The following SEMA3D variants were observed in gnomAD, a reference collection of about 807,000 sequenced individuals.
The protein encoded by SEMA3D is semaphorin-3D.
A neutral mutation model predicts 100.1 loss-of-function variants in SEMA3D; 84 were observed. The observed-to-expected ratio is 0.84, with a 90% CI of 0.70 to 1.01. SEMA3D has a LOEUF of 1.01. Among genes scored for constraint, SEMA3D ranks in the 50% least tolerant of loss-of-function variants. The probability of loss-of-function intolerance (pLI) is 0.00; values close to 1 mark genes in which losing one functional copy is unlikely to be tolerated. For missense variants in SEMA3D, 875 were observed against 934.1 expected (o/e 0.94, Z 0.82); for synonymous variants, 312 against 320.7 (o/e 0.97, Z 0.29).
At chr7:85,192,873 G>T in the SEMA3D span, among the ~76,000 whole-genome samples, 1 of 151,756 alleles carries the variant, frequency 6.6e-6, no homozygotes, top group Admixed American at 6.6e-5. Flanking sequence ...TTTTATTCTT[G>T]AGTTTGTCAA....
chr7:85,076,314 T>C (rs1336615931), intron 5 of SEMA3D, among the ~76,000 whole-genome samples: 1 of 152,008 alleles, frequency 6.6e-6, no homozygotes, highest in Non-Finnish European at 1.5e-5. Context: ...ACTTTTTAAT[T>C]ATCTTAAGTA....
rs139829723 is a variant in SEMA3D, at chr7:85,113,832, G to T, written c.151+7909C>A. On this transcript the variant is annotated intron_variant, in intron 3 of 18. Coordinates refer to ENST00000284136, the MANE Select transcript of SEMA3D (RefSeq NM_001384900.1). Reference sequence around the variant, plus strand: ...AGAAATCCGTTAATATTATCTTGCAGCTATTCCAAGTAGCTAACTACTACC... The same window carrying T: ...AGAAATCCGTTAATATTATCTTGCATCTATTCCAAGTAGCTAACTACTACC... Among the ~76,000 whole-genome samples the T allele has an allele frequency of 9.1e-4, 138 of 152,064 alleles. 1 individual carries two copies. The highest frequency in any genetic ancestry group is 3.2e-3 in the African/African-American group (133 of 41,492).
chr7:85,027,750 T>C (rs368147735), intron 12 of SEMA3D: 11 of 357,940 alleles, frequency 3.1e-5, no homozygotes, highest in African/African-American at 4.3e-5. Context: ...TAAACAAGGG[T>C]CTCATTGAAC....
intron 1 of SEMA3D, among the ~76,000 whole-genome samples, chr7:85,166,084 G>A (rs1365412678): frequency 1.3e-5 from 2 of 152,016 alleles, no homozygotes; most frequent in African/African-American, 4.8e-5. Context: ...TAATAATCAT[G>A]AGAATCTAAT....
At chr7:85,024,584 G>A (rs1170075008) in intron 12 of SEMA3D, among the ~76,000 whole-genome samples, 1 of 151,938 alleles carries the variant, frequency 6.6e-6, no homozygotes, top group Admixed American at 6.6e-5. Flanking sequence ...CGGAAAAAAA[G>A]GAAGGAAAAC....
the SEMA3D span, among the ~76,000 whole-genome samples, chr7:85,210,264 C>G: frequency 6.6e-6 from 1 of 151,976 alleles, no homozygotes; most frequent in African/African-American, 2.4e-5. Flanking sequence ...TTTGTTTTTC[C>G]TATTAAAACA....
intron 6 of SEMA3D, among the ~76,000 whole-genome samples, chr7:85,068,667 G>C (rs2116163531): frequency 1.3e-5 from 2 of 152,164 alleles, no homozygotes; most frequent in East Asian, 3.9e-4. Flanking sequence ...AAATAGATTT[G>C]CTATAATAAT....
intron 8 of SEMA3D, among the ~76,000 whole-genome samples, chr7:85,060,969 G>T (rs376160064): frequency 9.2e-5 from 14 of 152,058 alleles, no homozygotes; most frequent in Admixed American, 7.2e-4. Flanking sequence ...TCTTCCAAGT[G>T]GTCACACTTC....
chr7:85,231,536 C>T, the SEMA3D span, among the ~76,000 whole-genome samples: 11 of 150,278 alleles, frequency 7.3e-5, no homozygotes, highest in East Asian at 6.0e-4. Context: ...CTGCAAGCTC[C>T]GCCTCCCGGG....
the SEMA3D span, among the ~76,000 whole-genome samples, chr7:85,245,337 A>G: frequency 6.6e-6 from 1 of 152,218 alleles, no homozygotes; most frequent in Non-Finnish European, 1.5e-5. Flanking sequence ...ACAAAATAAG[A>G]AAAATTCTTT....
upstream of SEMA3D, among the ~76,000 whole-genome samples, chr7:85,188,681 A>C (rs1238698856): frequency 2.0e-5 from 3 of 152,188 alleles, no homozygotes; most frequent in Admixed American, 6.5e-5. Context: ...TTTATTGGCC[A>C]GAATTTTGTG....
the SEMA3D span, among the ~76,000 whole-genome samples, chr7:85,202,837 C>T: frequency 6.6e-6 from 1 of 151,030 alleles, no homozygotes; most frequent in South Asian, 2.1e-4. Context: ...TTTTTTTAAA[C>T]ACAATTGCAC....
At chr7:85,162,106 T>C (rs1159772704) in intron 1 of SEMA3D, among the ~76,000 whole-genome samples, 6 of 152,036 alleles carry the variant, frequency 3.9e-5, no homozygotes, top group Non-Finnish European at 8.8e-5. Context: ...CTCATCTTAA[T>C]TTCAGCTTTG....
At chr7:85,027,455 T>C (rs1314935588) in intron 12 of SEMA3D, among the ~76,000 whole-genome samples, 1 of 152,058 alleles carries the variant, frequency 6.6e-6, no homozygotes, top group Non-Finnish European at 1.5e-5. Context: ...ATATGGGGCT[T>C]TTTGTTAGAC....
chr7:84,999,531 G>T lies in SEMA3D; in HGVS notation c.2243C>A (p.Pro748Gln). 6.2e-7 allele frequency: 1 copy of T among 1,613,966 alleles called. No individual in the cohort carries two copies. The highest frequency in any genetic ancestry group is 2.2e-5 in the East Asian group (1 of 44,850). Residue 748 changes from proline to glutamine, a missense_variant, in exon 19 of 19, where the codon CCA (proline) becomes CAA (glutamine). Transcript: ENST00000284136. ...CATTTCCTGCATGTGCTTCCACTTT[G>T]GGCCCCCCTTGTTTCTCTGTCTCCG... ...EKRRQRNKGG[P>Q]KWKHMQEMKK... is the part of the protein sequence containing the mutation.
At chr7:85,237,582 A>G in the SEMA3D span, among the ~76,000 whole-genome samples, 1 of 152,166 alleles carries the variant, frequency 6.6e-6, no homozygotes, top group South Asian at 2.1e-4. Context: ...AAGGCATTTA[A>G]ATTTCCTTCT....
chr7:85,012,816 G>A lies in SEMA3D; in HGVS notation c.1734C>T (p.Gly578=), dbSNP rs748562150. The A allele has an allele frequency of 1.2e-4, 198 of 1,610,328 alleles. 1 individual carries two copies. Among genetic ancestry groups the A allele is most frequent in the Middle Eastern group, 1.7e-4 (1 of 6,050 alleles). ...TGTCCCAGCACTGGGTGATTGGGTC[G>A]CCATATTTTACATCTTGGCGTCTAG... ...RRARRQDVKY[G]DPITQCWDIE... is the part of the protein sequence containing the mutation. The change falls in exon 17 of 19, where the codon GGC becomes GGT. Residue 578 remains glycine, a synonymous_variant. Coordinates refer to ENST00000284136, the MANE Select transcript of SEMA3D (RefSeq NM_001384900.1).
chr7:85,006,690 A>AT (rs952831927), intron 18 of SEMA3D, 112 bp downstream of exon 18: 50 of 881,020 alleles, frequency 5.7e-5, no homozygotes, highest in Admixed American at 9.2e-5. Context: ...AAAACCTGTT[A>AT]TTTTTTTTAA....
chr7:85,050,072 AACACACACACACACACACACAC>A lies in SEMA3D; in HGVS notation c.861+5623_861+5644del, dbSNP rs55849524. ...ACTTAAAAGGTGGGTCTTGAAGGGA[AACACACACACACACACACACAC>A]ACACACACACACACACACACACACA... On this transcript the variant is annotated intron_variant, in intron 9 of 18. Transcript: ENST00000284136. 4.7e-3 allele frequency among the ~76,000 whole-genome samples: 649 copies of A among 137,016 alleles called. 5 individuals carry two copies. The highest frequency in any genetic ancestry group is 0.017 in the African/African-American group (614 of 36,712). The allele number at this position is 137,016 out of a possible 152,430, so 89.9% of individuals were successfully genotyped here.
Sources: gnomAD v4.1 joint callset for allele counts (sites outside exome capture counted in the v4.1 genomes callset) on GRCh38, gnomAD v4.1.1 for gene constraint, MANE v1.5 for transcripts, NCBI Gene and HGNC (gene_info 2026-07-23, HGNC 2026-07-21) for gene names.